ZZEF1: variants seen among roughly 807,000 people sequenced by gnomAD.
The protein encoded by ZZEF1 is zinc finger ZZ-type and EF-hand domain containing 1.
In ZZEF1, 157 loss-of-function variants were observed where a neutral mutation model predicts 342.8. The ratio of observed to expected loss-of-function variants is 0.46; its 90% CI spans 0.40 to 0.52. ZZEF1 has a LOEUF of 0.52. ZZEF1 is among the 20% of genes least tolerant of loss of function. The pLI, the probability that ZZEF1 is intolerant of heterozygous loss-of-function variation, is 0.00. For synonymous variants in ZZEF1, 1,505 were observed against 1,429.1 expected (o/e 1.05, Z -1.20); for missense variants, 3,480 against 3,725.6 (o/e 0.93, Z 1.72).
rs536975616 is a variant in ZZEF1, at chr17:4,029,692, T to C, written c.6892+2434A>G. Among the ~76,000 whole-genome samples the C allele has an allele frequency of 1.1e-4, 16 of 151,570 alleles. No homozygotes were observed. In the South Asian group the frequency reaches 3.1e-3, roughly 30 times the overall value. ...GAGTTCGAGACCAGCCTGACCAACATGGTAAACCCTGTCTCTACTAAAAAT... is the reference window on the plus strand; with the variant it reads ...GAGTTCGAGACCAGCCTGACCAACACGGTAAACCCTGTCTCTACTAAAAAT... On this transcript the variant is annotated intron_variant, in intron 42 of 54. Transcript: ENST00000381638.
chr17:4,088,290 G>A (rs2057878189), intron 13 of ZZEF1, among the ~76,000 whole-genome samples: 1 of 152,022 alleles, frequency 6.6e-6, no homozygotes, highest in South Asian at 2.1e-4. Flanking sequence ...CATTATTTTC[G>A]TATTTTCAGT....
At position 4,050,920 on chromosome 17, in the gene ZZEF1, G is replaced by A; in HGVS notation, c.5724C>T (p.Leu1908=). 6.2e-7 allele frequency: 1 copy of A among 1,614,248 alleles called. No homozygotes were observed. Among genetic ancestry groups the A allele is most frequent in the South Asian group, 1.1e-5 (1 of 91,082 alleles). Residue 1908 remains leucine, a synonymous_variant, in exon 36 of 55, where the codon CTC becomes CTT. Coordinates refer to ENST00000381638, the MANE Select transcript of ZZEF1 (RefSeq NM_015113.4). ...CTGCACTGGCCAGGTGGGCGCTATAGAGAGCCAGGGCAGCAAAGAGCAGCC... is the reference window on the plus strand; with the variant it reads ...CTGCACTGGCCAGGTGGGCGCTATAAAGAGCCAGGGCAGCAAAGAGCAGCC... ...YSWLLFAALA[L]YSAHLASAED...
At chr17:4,070,537 T>C (rs2057487707) in intron 26 of ZZEF1, 147 bp downstream of exon 26, 6 of 1,044,562 alleles carry the variant, frequency 5.7e-6, no homozygotes, top group African/African-American at 3.2e-5. Flanking sequence ...AATCTTTTAA[T>C]AGGCAAAGTA....
chr17:4,092,520 C>T (rs2057964119), intron 11 of ZZEF1, among the ~76,000 whole-genome samples: 1 of 152,000 alleles, frequency 6.6e-6, no homozygotes, highest in Admixed American at 6.6e-5. Flanking sequence ...AGGCTGGTTT[C>T]TGACCTCAAG....
intron 53 of ZZEF1, chr17:4,009,289 G>A (rs1336372947): frequency 5.3e-6 from 3 of 563,008 alleles, no homozygotes; most frequent in Non-Finnish European, 9.6e-6. Flanking sequence ...GCTGAGGGGA[G>A]GAAAAAAAGA....
In ZZEF1 at chr17:4,059,162, A is replaced by T; in HGVS notation, c.5003+9T>A. ...TTTTTTCTCTAGAAATGATAAAGTTATCCAGTACCTGTCATTTAGGCTACT... is the reference window on the plus strand; with the variant it reads ...TTTTTTCTCTAGAAATGATAAAGTTTTCCAGTACCTGTCATTTAGGCTACT... On this transcript the variant is annotated intron_variant, in intron 31 of 54. Transcript: ENST00000381638. 6.3e-7 allele frequency: 1 copy of T among 1,575,470 alleles called. No individual in the cohort carries two copies. The highest frequency in any genetic ancestry group is 8.5e-7 in the Non-Finnish European group (1 of 1,170,196).
chr17:4,025,262 G>A (rs2056377894), intron 42 of ZZEF1, 144 bp from the exon 43 acceptor site: 1 of 776,052 alleles, frequency 1.3e-6, no homozygotes, highest in African/African-American at 1.7e-5. Context: ...AGCCAATAAA[G>A]CCAGCTTGCA....
chr17:4,086,780 T>G (rs1330659855), intron 14 of ZZEF1, 125 bp from the exon 15 acceptor site: 6 of 866,632 alleles, frequency 6.9e-6, no homozygotes, highest in Non-Finnish European at 1.1e-5. Flanking sequence ...TGCCAACTGA[T>G]GCAAACTGAG....
intron 26 of ZZEF1, among the ~76,000 whole-genome samples, chr17:4,068,865 C>T (rs1410528967): frequency 6.6e-6 from 1 of 152,174 alleles, no homozygotes; most frequent in Non-Finnish European, 1.5e-5. Flanking sequence ...AATTTTTAGA[C>T]AAAGATGAGC....
At chr17:4,123,743 T>TG (rs2058528292) in intron 2 of ZZEF1, among the ~76,000 whole-genome samples, 164 bp downstream of exon 2, 1 of 152,040 alleles carries the variant, frequency 6.6e-6, no homozygotes. Context: ...ACCACCGTAC[T>TG]GGGGATGAAA....
rs2058534665 is a variant in ZZEF1, at chr17:4,124,060, T to C, written c.355-9A>G. On this transcript the variant is annotated splice_polypyrimidine_tract_variant and intron_variant, in intron 1 of 54. Coordinates refer to ENST00000381638, the MANE Select transcript of ZZEF1 (RefSeq NM_015113.4). ...TCAAACTGGGCAAAGGCCTACAAGA[T>C]AAGAGATGCAAGAAAATCAGGGCTG... is the stretch of plus-strand genomic sequence containing the variant. The C allele has an allele frequency of 1.9e-6, 3 of 1,597,912 alleles. No individual in the cohort carries two copies. The highest frequency in any genetic ancestry group is 2.6e-6 in the Non-Finnish European group (3 of 1,172,052).
At chr17:4,093,186 G>A (rs760853556) in intron 11 of ZZEF1, among the ~76,000 whole-genome samples, 4 of 152,114 alleles carry the variant, frequency 2.6e-5, no homozygotes, top group Non-Finnish European at 5.9e-5. Flanking sequence ...AGCAGGTTTA[G>A]GGGAAATGAC....
chr17:4,100,011 C>A (rs1397333597), intron 9 of ZZEF1, among the ~76,000 whole-genome samples: 1 of 152,172 alleles, frequency 6.6e-6, no homozygotes, highest in Admixed American at 6.5e-5. Context: ...CTTTAAAATA[C>A]CAGACCAAGT....
In ZZEF1 at chr17:4,017,966, T is replaced by A; in HGVS notation, c.7511A>T (p.Asp2504Val). 1 of 1,613,364 alleles carries A rather than the reference T, an allele frequency of 6.2e-7. No individual in the cohort carries two copies. The highest frequency in any genetic ancestry group is 8.5e-7 in the Non-Finnish European group (1 of 1,180,032). ...TTCATCTGTGGTGAGCTCATCACCA[T>A]CAAACCTGCAGAAGGGCAGCACAAA... ...YFFLEVQKRF[D>V]GDELTTDERI... The change falls in exon 47 of 55, where the codon GAT becomes GTT. Residue 2504 changes from aspartate (D) to valine (V), a missense_variant. Transcript: ENST00000381638. This position sits in a 1 kb window ranked among gnomAD's most constrained non-coding sequence, Gnocchi z 5.1.
chr17:4,014,726 C>T lies in ZZEF1; in HGVS notation c.8146-211G>A, dbSNP rs868200205. 2.0e-4 allele frequency among the ~76,000 whole-genome samples: 31 copies of T among 152,242 alleles called. No homozygotes were observed. The highest frequency in any genetic ancestry group is 3.4e-3 in the Middle Eastern group (1 of 294). On this transcript the variant is annotated intron_variant, in intron 49 of 54. Coordinates refer to ENST00000381638, the MANE Select transcript of ZZEF1 (RefSeq NM_015113.4). This position sits in a 1 kb window ranked among gnomAD's most constrained non-coding sequence, Gnocchi z 4.4. ...GGGAGGCACAGCGGGGCAGGCAACA[C>T]GGGGCCCCAGAGAAAGAGTGTCAGG...
intron 18 of ZZEF1, 75 bp from the exon 19 acceptor site, chr17:4,078,117 A>G: frequency 6.8e-7 from 1 of 1,466,954 alleles, no homozygotes; most frequent in Non-Finnish European, 9.2e-7. Context: ...CATCCTCTAA[A>G]GCAGCAGCTG....
At chr17:4,033,943 C>G in intron 40 of ZZEF1, 72 bp downstream of exon 40, 1 of 1,571,840 alleles carries the variant, frequency 6.4e-7, no homozygotes, top group Non-Finnish European at 8.7e-7. Context: ...ACAGCCAGAC[C>G]TTCAACTTAA....
chr17:4,019,372 G>T (rs976840705), intron 46 of ZZEF1, among the ~76,000 whole-genome samples: 5 of 152,192 alleles, frequency 3.3e-5, no homozygotes, highest in African/African-American at 1.2e-4. Flanking sequence ...TGCTCCCTGG[G>T]ATTACACATG....
intron 33 of ZZEF1, 140 bp downstream of exon 33, chr17:4,056,076 G>A (rs1298167119): frequency 1.4e-5 from 12 of 865,564 alleles, no homozygotes; most frequent in South Asian, 3.5e-5. Flanking sequence ...CGCATTCAGC[G>A]GTTGGGGACC....
Sources: allele counts gnomAD v4.1 joint callset (sites outside exome capture counted in the v4.1 genomes callset), GRCh38; gene constraint gnomAD v4.1.1; non-coding constraint Gnocchi (gnomAD v3.1); transcripts MANE v1.5; gene names NCBI Gene and HGNC (gene_info 2026-07-23, HGNC 2026-07-21).